CAMTA1: variants seen among roughly 807,000 people sequenced by gnomAD.
The protein encoded by CAMTA1 is calmodulin-binding transcription activator 1.
In CAMTA1, 27 loss-of-function variants were observed where a neutral mutation model predicts 170.9. That is an observed-to-expected ratio of 0.16 (90% CI 0.12 to 0.22). The LOEUF (loss-of-function observed/expected upper bound fraction) is 0.22, where lower values mean the gene tolerates loss of function less well. Among genes scored for constraint, CAMTA1 ranks in the 10% least tolerant of loss-of-function variants. The pLI, the probability that CAMTA1 is intolerant of heterozygous loss-of-function variation, is 1.00. For missense variants in CAMTA1, 1,619 were observed against 2,217.2 expected, an observed-to-expected ratio of 0.73 and a Z score of 5.42; for synonymous variants, 833 against 891.5, an observed-to-expected ratio of 0.93 and a Z score of 1.17.
intron 3 of CAMTA1, among the ~76,000 whole-genome samples, chr1:7,012,202 C>T (rs551908117): frequency 4.6e-5 from 7 of 152,160 alleles, no homozygotes; most frequent in East Asian, 1.9e-4. Context: ...TCCCCGTCCA[C>T]GCTTCCCATT....
intron 3 of CAMTA1, among the ~76,000 whole-genome samples, chr1:6,891,661 A>T (rs1443265994): frequency 6.6e-6 from 1 of 152,230 alleles, no homozygotes; most frequent in East Asian, 1.9e-4. Context: ...TAGCACCTGC[A>T]TCTTCAAAAA....
At chr1:7,085,315 G>T (rs1435007163) in intron 3 of CAMTA1, among the ~76,000 whole-genome samples, 2 of 152,228 alleles carry the variant, frequency 1.3e-5, no homozygotes, top group African/African-American at 4.8e-5. Context: ...GGACCTTTGT[G>T]CATGGGAGCC....
chr1:7,266,215 C>T (rs199709739), intron 5 of CAMTA1, among the ~76,000 whole-genome samples: 1 of 152,068 alleles, frequency 6.6e-6, no homozygotes, highest in Non-Finnish European at 1.5e-5. Flanking sequence ...GAGGAGGGAA[C>T]AAGGAACATG....
intron 3 of CAMTA1, among the ~76,000 whole-genome samples, chr1:7,090,467 G>C (rs2071917): frequency 6.6e-6 from 1 of 151,948 alleles, no homozygotes; most frequent in African/African-American, 2.4e-5. Flanking sequence ...TACTAGTCCA[G>C]CCTTAATTTA....
chr1:7,399,644 A>G (rs1433834296), intron 5 of CAMTA1, among the ~76,000 whole-genome samples: 3 of 152,184 alleles, frequency 2.0e-5, no homozygotes, highest in African/African-American at 7.2e-5. Flanking sequence ...TCCCTTAAGT[A>G]TTTCTTGTGA....
At position 7,685,619 on chromosome 1, in the gene CAMTA1, G is replaced by A. The variant is rs1055330875; in HGVS notation, c.2914+7886G>A. ...TTCTCCTTCCAAAATTCTCTGTCAT[G>A]TCCCCATGGCCGGCTCTCTCCTGAC... On this transcript the variant is annotated intron_variant, in intron 11 of 22. Transcript: ENST00000303635. This position sits in a 1 kb window ranked among gnomAD's most constrained non-coding sequence, Gnocchi z 5.7. 2.0e-5 allele frequency among the ~76,000 whole-genome samples: 3 copies of A among 152,054 alleles called. No homozygotes were observed. Among genetic ancestry groups the A allele is most frequent in the Non-Finnish European group, 4.4e-5 (3 of 68,028 alleles).
At chr1:7,560,185 C>T (rs895520836) in intron 6 of CAMTA1, among the ~76,000 whole-genome samples, 36 of 152,210 alleles carry the variant, frequency 2.4e-4, no homozygotes, top group African/African-American at 8.7e-4. Flanking sequence ...ATGAGGGCAG[C>T]AGGGCCCCCT....
chr1:6,818,111 C>T (rs1250893799), intron 1 of CAMTA1, among the ~76,000 whole-genome samples: 1 of 152,100 alleles, frequency 6.6e-6, no homozygotes, highest in Admixed American at 6.5e-5. Flanking sequence ...CCGAGGCTGG[C>T]AGATCATTTG....
At chr1:7,467,484 GAAC>G (rs2093238265) in intron 5 of CAMTA1, among the ~76,000 whole-genome samples, 1 of 152,246 alleles carries the variant, frequency 6.6e-6, no homozygotes, top group African/African-American at 2.4e-5. Flanking sequence ...CTCTAGGAAT[GAAC>G]TACAGAGTAA....
intron 3 of CAMTA1, among the ~76,000 whole-genome samples, chr1:6,900,848 C>T (rs983739108): frequency 1.3e-5 from 2 of 152,206 alleles, no homozygotes; most frequent in East Asian, 3.9e-4. Flanking sequence ...GTCTGTTTTC[C>T]CTAAATTGAT....
chr1:7,385,691 C>T (rs767319086), intron 5 of CAMTA1, among the ~76,000 whole-genome samples: 4 of 152,168 alleles, frequency 2.6e-5, no homozygotes, highest in African/African-American at 4.8e-5. Flanking sequence ...ATCTCTACAG[C>T]GTGCTCCACC....
intron 6 of CAMTA1, among the ~76,000 whole-genome samples, chr1:7,558,888 A>T (rs2094919216): frequency 6.6e-6 from 1 of 152,248 alleles, no homozygotes; most frequent in Non-Finnish European, 1.5e-5. Flanking sequence ...GATTTTTTTA[A>T]TTAAGAAAAA....
At chr1:7,018,108 T>C (rs879708168) in intron 3 of CAMTA1, among the ~76,000 whole-genome samples, 4,909 of 107,930 alleles carry the variant, frequency 0.045, no homozygotes, top group East Asian at 0.063. Flanking sequence ...GGACCACAGG[T>C]GTGCGGCACC....
At chr1:7,004,804 G>A (rs987964018) in intron 3 of CAMTA1, among the ~76,000 whole-genome samples, 1 of 152,046 alleles carries the variant, frequency 6.6e-6, no homozygotes, top group African/African-American at 2.4e-5. Context: ...GTCTCTTTCT[G>A]TCACCCAGGC....
At chr1:7,473,916 G>A (rs1014645152) in intron 6 of CAMTA1, among the ~76,000 whole-genome samples, 1 of 152,260 alleles carries the variant, frequency 6.6e-6, no homozygotes, top group Non-Finnish European at 1.5e-5. Flanking sequence ...TCCTCAGGAT[G>A]TGTCTCTTCT....
chr1:7,485,382 G>A (rs2093604790), intron 6 of CAMTA1, among the ~76,000 whole-genome samples: 1 of 152,200 alleles, frequency 6.6e-6, no homozygotes, highest in Non-Finnish European at 1.5e-5. Context: ...CCTGCCACAT[G>A]CTGCTCTCAG....
At chr1:7,130,668 T>C (rs1350623529) in intron 4 of CAMTA1, among the ~76,000 whole-genome samples, 1 of 152,172 alleles carries the variant, frequency 6.6e-6, no homozygotes, top group Non-Finnish European at 1.5e-5. Context: ...GCTAATCTAG[T>C]GTATGTGTGG....
At position 7,041,500 on chromosome 1, in the gene CAMTA1, G is replaced by A. The variant is rs539897248; in HGVS notation, c.235-49804G>A. Among the ~76,000 whole-genome samples the A allele has an allele frequency of 5.9e-5, 9 of 152,228 alleles. No homozygotes were observed. Among genetic ancestry groups the A allele is most frequent in the Non-Finnish European group, 1.2e-4 (8 of 68,044 alleles). ...TATATCTGATTTTGCATTGAACTGT[G>A]TCGTTATGTGGGGCTGAGAAACTCT... On this transcript the variant is annotated intron_variant, in intron 3 of 22. Transcript: ENST00000303635. This position sits in a 1 kb window ranked among gnomAD's most constrained non-coding sequence, Gnocchi z 5.1.
intron 5 of CAMTA1, among the ~76,000 whole-genome samples, chr1:7,462,923 C>T (rs1024870729): frequency 6.6e-6 from 1 of 152,242 alleles, no homozygotes; most frequent in African/African-American, 2.4e-5. Context: ...CACTGTCTCG[C>T]TCTGATGAGT....
Sources: gnomAD v4.1 joint callset for allele counts (sites outside exome capture counted in the v4.1 genomes callset) on GRCh38, gnomAD v4.1.1 for gene constraint, Gnocchi (gnomAD v3.1) non-coding constraint, MANE v1.5 for transcripts, NCBI Gene and HGNC (gene_info 2026-07-23, HGNC 2026-07-21) for gene names.